MAP2K1: variants seen among roughly 807,000 people sequenced by gnomAD.
The protein encoded by MAP2K1 is dual specificity mitogen-activated protein kinase kinase 1.
Under a neutral mutation model 46.3 loss-of-function variants are expected in MAP2K1, and 16 were observed. The ratio of observed to expected loss-of-function variants is 0.35; its 90% CI spans 0.23 to 0.52. MAP2K1 has a LOEUF of 0.52. MAP2K1 is among the 20% of genes least tolerant of loss of function. The pLI is 0.94. For synonymous variants in MAP2K1, 183 were observed against 185.6 expected (o/e 0.99, Z 0.11); for missense variants, 263 against 497.1 (o/e 0.53, Z 4.48).
intron 1 of MAP2K1, among the ~76,000 whole-genome samples, chr15:66,395,073 G>C (rs559157644): frequency 1.3e-5 from 2 of 152,334 alleles, no homozygotes; most frequent in East Asian, 1.9e-4. Context: ...AGAAGATACT[G>C]TGGTAGAGTA....
rs1451209855 is a variant in MAP2K1, at chr15:66,440,766, T to A, written c.439-2514T>A. ...AATTGGCTTCTAAAAATAAGCACAA[T>A]TTCAGCAGCTTAAGGCAAGGACTTG... On this transcript the variant is annotated intron_variant, in intron 3 of 10. Coordinates refer to ENST00000307102, the MANE Select transcript of MAP2K1 (RefSeq NM_002755.4). 3.3e-5 allele frequency among the ~76,000 whole-genome samples: 5 copies of A among 152,358 alleles called. No individual in the cohort carries two copies. The East Asian group carries it at 9.6e-4, about 29-fold the overall frequency.
At chr15:66,438,538 C>T (rs1327401823) in intron 3 of MAP2K1, among the ~76,000 whole-genome samples, 1 of 152,188 alleles carries the variant, frequency 6.6e-6, no homozygotes, top group African/African-American at 2.4e-5. Flanking sequence ...CTCTTGTGCC[C>T]TTGCCATGTC....
Position 66,444,866 on chromosome 15 carries a change from G to A in MAP2K1, c.568+159G>A, listed in dbSNP as rs1891820990. 3 of 665,458 alleles carry A rather than the reference G, an allele frequency of 4.5e-6. No individual in the cohort carries two copies. The Admixed American group carries it at 7.4e-5, about 16-fold the overall frequency. The allele number at this position is 665,458 out of a possible 1,614,324, so 41.2% of individuals were successfully genotyped here. A position where few individuals can be genotyped will look rare whatever the true frequency, so the allele number is the denominator to read the frequency against. ...TTTGTTTAGTTTGGTGGCTGAGGCAGCAACTCCTACCCTCTTTTTGGTCTT... is the reference window on the plus strand; with the variant it reads ...TTTGTTTAGTTTGGTGGCTGAGGCAACAACTCCTACCCTCTTTTTGGTCTT... On this transcript the variant is annotated intron_variant, in intron 5 of 10. Coordinates refer to ENST00000307102, the MANE Select transcript of MAP2K1 (RefSeq NM_002755.4).
chr15:66,439,887 A>G (rs1015877667), intron 3 of MAP2K1, among the ~76,000 whole-genome samples: 5 of 148,718 alleles, frequency 3.4e-5, no homozygotes, highest in Non-Finnish European at 7.4e-5. Context: ...GTGAGCTGAG[A>G]CCACGCCATT....
At position 66,485,025 on chromosome 15, in the gene MAP2K1, G is replaced by A. The variant is rs772752167; in HGVS notation, c.729G>A (p.Gln243=). 49 of 1,613,618 alleles carry A rather than the reference G, an allele frequency of 3.0e-5. No homozygotes were observed. Among genetic ancestry groups the A allele is most frequent in the Middle Eastern group, 1.8e-4 (1 of 5,690 alleles). ...ERLQGTHYSV[Q]SDIWSMGLSL... ...TCCAGGGGACTCATTACTCTGTGCA[G>A]TCAGACATCTGGAGCATGGGACTGT... is the stretch of plus-strand genomic sequence containing the variant. Residue 243 remains glutamine (Q), a synonymous_variant, in exon 7 of 11, where the codon CAG becomes CAA. Transcript: ENST00000307102.
intron 1 of MAP2K1, among the ~76,000 whole-genome samples, chr15:66,393,421 C>T (rs1292574912): frequency 6.6e-6 from 1 of 152,080 alleles, no homozygotes; most frequent in Non-Finnish European, 1.5e-5. Context: ...TGTGATCTGC[C>T]CTCCTTGGCC....
chr15:66,426,593 G>A (rs912497672), intron 1 of MAP2K1, among the ~76,000 whole-genome samples: 2 of 152,116 alleles, frequency 1.3e-5, no homozygotes, highest in African/African-American at 4.8e-5. Flanking sequence ...TCTAAGAAGT[G>A]TGGGAAAGGA....
intron 3 of MAP2K1, among the ~76,000 whole-genome samples, chr15:66,441,300 C>T (rs529899428): frequency 6.6e-6 from 1 of 152,248 alleles, no homozygotes; most frequent in East Asian, 1.9e-4. Flanking sequence ...ATTTCTCTTA[C>T]CAACCCCCAG....
chr15:66,429,167 A>G (rs2093467950), intron 1 of MAP2K1, among the ~76,000 whole-genome samples: 1 of 152,196 alleles, frequency 6.6e-6, no homozygotes, highest in African/African-American at 2.4e-5. Context: ...GGTAATTTAT[A>G]AAGTAAAGAG....
intron 1 of MAP2K1, chr15:66,415,050 A>G (rs2140543544): frequency 2.0e-6 from 1 of 499,124 alleles, no homozygotes; most frequent in Non-Finnish European, 4.0e-6. Context: ...TCTTCATGTC[A>G]ATGCACTGCT....
At chr15:66,449,763 C>T (rs150423642) in intron 5 of MAP2K1, among the ~76,000 whole-genome samples, 2,112 of 152,114 alleles carry the variant, frequency 0.014, 26 homozygotes, top group South Asian at 0.042. Context: ...CGCCTATAAT[C>T]CCAGCTACTT....
At chr15:66,459,558 C>A (rs1892264120) in intron 5 of MAP2K1, among the ~76,000 whole-genome samples, 1 of 149,614 alleles carries the variant, frequency 6.7e-6, no homozygotes, top group Non-Finnish European at 1.5e-5. Flanking sequence ...GTGGGGGTTG[C>A]AGTGAGCCAA....
chr15:66,484,845 G>C (rs1385242463), intron 6 of MAP2K1, 145 bp from the exon 7 acceptor site: 1 of 775,988 alleles, frequency 1.3e-6, no homozygotes, highest in Non-Finnish European at 2.3e-6. Flanking sequence ...AGTGTTGGGG[G>C]TAGGCAGGAG....
intron 3 of MAP2K1, among the ~76,000 whole-genome samples, chr15:66,442,682 G>A (rs2093507651): frequency 6.6e-6 from 1 of 152,148 alleles, no homozygotes; most frequent in Admixed American, 6.5e-5. Context: ...GTGGACACCA[G>A]CTGGGTGTCC....
At chr15:66,462,579 T>C (rs187749195) in intron 5 of MAP2K1, among the ~76,000 whole-genome samples, 97 of 148,286 alleles carry the variant, frequency 6.5e-4, no homozygotes, top group Non-Finnish European at 1.0e-3. Context: ...CTGTCTCTAC[T>C]TTTGTGAATA....
intron 3 of MAP2K1, among the ~76,000 whole-genome samples, chr15:66,438,881 G>A (rs1428358628): frequency 6.6e-6 from 1 of 152,220 alleles, no homozygotes; most frequent in African/African-American, 2.4e-5. Flanking sequence ...AGGCCTTGGA[G>A]CCTGCCATAG....
rs139364105 is a variant in MAP2K1, at chr15:66,436,850, G to C, written c.396G>C (p.Ala132=). The change falls in exon 3 of 11, where the codon GCG becomes GCC. Residue 132 remains alanine (A), a synonymous_variant. Transcript: ENST00000307102. ...NSPYIVGFYG[A]FYSDGEISIC... is the part of the protein sequence containing the mutation. ...CGTACATCGTGGGCTTCTATGGTGCGTTCTACAGCGATGGCGAGATCAGTA... is the reference window on the plus strand; with the variant it reads ...CGTACATCGTGGGCTTCTATGGTGCCTTCTACAGCGATGGCGAGATCAGTA... 2 of 1,614,176 alleles carry C rather than the reference G, an allele frequency of 1.2e-6. No homozygotes were observed. The highest frequency in any genetic ancestry group is 1.7e-6 in the Non-Finnish European group (2 of 1,180,020).
At chr15:66,471,494 C>A (rs561979444) in intron 5 of MAP2K1, among the ~76,000 whole-genome samples, 10 of 152,270 alleles carry the variant, frequency 6.6e-5, no homozygotes, top group South Asian at 6.2e-4. Context: ...GGATTCAAAC[C>A]CAGATCTGCC....
intron 7 of MAP2K1, among the ~76,000 whole-genome samples, chr15:66,486,859 C>A (rs1893052163): frequency 6.6e-6 from 1 of 152,196 alleles, no homozygotes; most frequent in Non-Finnish European, 1.5e-5. Context: ...GGAAGAAACG[C>A]AACTTCATGG....
Sources: gnomAD v4.1 joint callset for allele counts (sites outside exome capture counted in the v4.1 genomes callset) on GRCh38, gnomAD v4.1.1 for gene constraint, MANE v1.5 for transcripts, NCBI Gene and HGNC (gene_info 2026-07-23, HGNC 2026-07-21) for gene names.